Variants in SDC1 observed in about 807,000 individuals in gnomAD.
SDC1 encodes the protein syndecan-1.
SDC1 carries 14 observed loss-of-function variants against 29.7 expected under a neutral mutation model. The ratio of observed to expected loss-of-function variants is 0.47; its 90% CI spans 0.31 to 0.74. The LOEUF (loss-of-function observed/expected upper bound fraction) is 0.74, where lower values mean the gene tolerates loss of function less well. Among genes scored for constraint, SDC1 ranks in the 30% least tolerant of loss-of-function variants. The pLI is 0.05. For synonymous variants in SDC1, 204 were observed against 175.5 expected (o/e 1.16, Z -1.29); for missense variants, 406 against 400.3 (o/e 1.01, Z -0.12).
chr2:20,203,038 C>T (rs1041349151), intron 4 of SDC1, 49 bp downstream of exon 4: 1 of 1,572,220 alleles, frequency 6.4e-7, no homozygotes, highest in Non-Finnish European at 8.7e-7. Flanking sequence ...CCCACCCTGA[C>T]CCCACAGCAG....
chr2:20,224,566 G>A lies in SDC1; in HGVS notation c.66+236C>T, dbSNP rs1677931348. ...GGAGACGTTTTACATAATTGAGCGC[G>A]GGGCCCCGGCCCCCCACCCTCCCCA... On this transcript the variant is annotated intron_variant, in intron 1 of 4. Coordinates refer to ENST00000254351, the MANE Select transcript of SDC1 (RefSeq NM_002997.5). The surrounding 1 kb of genome is among the most constrained non-coding windows in gnomAD (Gnocchi z 4.9). Among the ~76,000 whole-genome samples the A allele has an allele frequency of 6.6e-6, 1 of 151,656 alleles. No individual in the cohort carries two copies. The highest frequency in any genetic ancestry group is 2.4e-5 in the African/African-American group (1 of 41,326).
chr2:20,208,174 A>G (rs951851931), intron 1 of SDC1: 1 of 959,512 alleles, frequency 1.0e-6, no homozygotes, highest in East Asian at 1.2e-4. Flanking sequence ...GGGCCCATGT[A>G]CAACCTGGGA....
At position 20,224,632 on chromosome 2, in the gene SDC1, TG is replaced by T. The variant is rs1381777005; in HGVS notation, c.66+169del. Reference sequence around the variant, plus strand: ...GGCACCCACCGACAGCGGAGGAAATTGGGGCTGGAGCCCTGGTCTCGGGGCT... The same window carrying T: ...GGCACCCACCGACAGCGGAGGAAATTGGGCTGGAGCCCTGGTCTCGGGGCT... On this transcript the variant is annotated intron_variant, in intron 1 of 4. Coordinates refer to ENST00000254351, the MANE Select transcript of SDC1 (RefSeq NM_002997.5). This position sits in a 1 kb window ranked among gnomAD's most constrained non-coding sequence, Gnocchi z 4.9. 2.0e-5 allele frequency among the ~76,000 whole-genome samples: 3 copies of T among 150,094 alleles called. No individual in the cohort carries two copies. The highest frequency in any genetic ancestry group is 3.0e-5 in the Non-Finnish European group (2 of 67,542).
chr2:20,203,133 G>T lies in SDC1; in HGVS notation c.717C>A (p.Ala239=), dbSNP rs1299713359. 5 of 1,612,250 alleles carry T rather than the reference G, an allele frequency of 3.1e-6. No homozygotes were observed. The highest frequency in any genetic ancestry group is 4.2e-6 in the Non-Finnish European group (5 of 1,178,838). ...CCAGGAGGCCCTGTGAGGCCCCCGT[G>T]GCCCCCTGATCCACTGGGGACTGGT... is the stretch of plus-strand genomic sequence containing the variant. The part of the protein sequence containing the change: ...RRNQSPVDQG[A]TGASQGLLDR... The change falls in exon 4 of 5, where the codon GCC becomes GCA. Residue 239 remains alanine (A), a synonymous_variant. Coordinates refer to ENST00000254351, the MANE Select transcript of SDC1 (RefSeq NM_002997.5).
chr2:20,203,238 GGC>G lies in SDC1; in HGVS notation c.628-18_628-17del. ...AGGTGAAGTCCTGTGGGAGGGCAGG[GGC>G]AGATTGGGTTGGCCAGGTCACCGCC... is the stretch of plus-strand genomic sequence containing the variant. On this transcript the variant is annotated splice_polypyrimidine_tract_variant and intron_variant, in intron 3 of 4. Transcript: ENST00000254351. The G allele has an allele frequency of 6.3e-7, 1 of 1,591,916 alleles. No individual in the cohort carries two copies. Among genetic ancestry groups the G allele is most frequent in the Non-Finnish European group, 8.6e-7 (1 of 1,164,114 alleles).
intron 3 of SDC1, among the ~76,000 whole-genome samples, chr2:20,203,579 G>A (rs745994623): frequency 1.9e-4 from 29 of 152,238 alleles, no homozygotes; most frequent in Non-Finnish European, 3.7e-4. Context: ...AGTTTGGATT[G>A]TGAGTTTGGG....
rs745587078 is a variant in SDC1 at position 20,202,788 on chromosome 2, T to G, written c.911A>C (p.Lys304Thr). Reference protein sequence around the residue: ...ANGGAYQKPTKQEEFYA With the variant: ...ANGGAYQKPTTQEEFYA ...GCGTCAGGCATAGAATTCCTCCTGT[T>G]TGGTGGGCTTCTGGTAGGCCCCGCC... Residue 304 changes from lysine (K) to threonine (T), a missense_variant, in exon 5 of 5, where the codon AAA (lysine) becomes ACA (threonine). Coordinates refer to ENST00000254351, the MANE Select transcript of SDC1 (RefSeq NM_002997.5). 5 of 1,611,016 alleles carry G rather than the reference T, an allele frequency of 3.1e-6. No individual in the cohort carries two copies. The African/African-American group carries it at 6.7e-5, about 22-fold the overall frequency.
intron 1 of SDC1, among the ~76,000 whole-genome samples, chr2:20,222,088 A>AAC (rs3044220): frequency 0.11 from 16,867 of 151,024 alleles, 981 homozygotes; most frequent in Middle Eastern, 0.15. Flanking sequence ...GACCACAGTA[A>AAC]ACACACACAC....
At position 20,202,680 on chromosome 2, in the gene SDC1, G is replaced by A; in HGVS notation, c.*86C>T. ...TGCTGGGGAGGTGGCCTGGTGGCAG[G>A]GGAGGCCAGGGCCTGCAGTTCTTCA... On this transcript the variant is annotated 3_prime_UTR_variant, in exon 5 of 5. Coordinates refer to ENST00000254351, the MANE Select transcript of SDC1 (RefSeq NM_002997.5). 7.5e-7 allele frequency: 1 copy of A among 1,339,884 alleles called. No homozygotes were observed. Among genetic ancestry groups the A allele is most frequent in the South Asian group, 1.4e-5 (1 of 69,886 alleles). 83.0% of individuals were successfully genotyped at this position (1,339,884 alleles called of 1,614,324 possible).
At chr2:20,218,808 TACACACGCAG>T (rs1335733673) in intron 1 of SDC1, among the ~76,000 whole-genome samples, 2 of 127,980 alleles carry the variant, frequency 1.6e-5, no homozygotes, top group Non-Finnish European at 3.4e-5. Context: ...CACACAGACA[TACACACGCAG>T]ACACACACAC....
At chr2:20,221,653 G>A (rs913458152) in intron 1 of SDC1, among the ~76,000 whole-genome samples, 1 of 152,174 alleles carries the variant, frequency 6.6e-6, no homozygotes. Context: ...TCATTCCCAA[G>A]GGATTTCAGG....
chr2:20,211,752 C>T (rs1156469089), intron 1 of SDC1, among the ~76,000 whole-genome samples: 1 of 152,252 alleles, frequency 6.6e-6, no homozygotes, highest in Non-Finnish European at 1.5e-5. Context: ...TCCAGGGGTA[C>T]CAGTGGGAGG....
chr2:20,202,176 C>A lies in SDC1; in HGVS notation c.*590G>T. Reference sequence around the variant, plus strand: ...TTAGGGAAGCAAGATGGGGGGATACCGAATCAACTTACTTAACTTACCTCA... The same window carrying A: ...TTAGGGAAGCAAGATGGGGGGATACAGAATCAACTTACTTAACTTACCTCA... On this transcript the variant is annotated 3_prime_UTR_variant, in exon 5 of 5. Coordinates refer to ENST00000254351, the MANE Select transcript of SDC1 (RefSeq NM_002997.5). The A allele has an allele frequency of 1.5e-6, 1 of 682,412 alleles. No homozygotes were observed. The highest frequency in any genetic ancestry group is 2.7e-6 in the Non-Finnish European group (1 of 369,210). 42.3% of individuals were successfully genotyped at this position (682,412 alleles called of 1,614,324 possible). A position where few individuals can be genotyped will look rare whatever the true frequency, so the allele number is the denominator to read the frequency against.
intron 1 of SDC1, among the ~76,000 whole-genome samples, chr2:20,215,795 G>C (rs947393683): frequency 7.9e-5 from 12 of 152,196 alleles, no homozygotes; most frequent in Non-Finnish European, 1.8e-4. Context: ...ATCCAGGTGG[G>C]CTAGACTCCG....
chr2:20,216,196 C>T (rs1255957128), intron 1 of SDC1, among the ~76,000 whole-genome samples: 1 of 152,240 alleles, frequency 6.6e-6, no homozygotes, highest in African/African-American at 2.4e-5. Context: ...GGAAACTCCT[C>T]CTGTGCTCTT....
Position 20,224,466 on chromosome 2 carries a change from G to A in SDC1, c.66+336C>T, listed in dbSNP as rs1419356646. ...GGTCACCGACGGGGGCCCGGCCGCC[G>A]CGGTGGCCGGGGCGAGGAGGGTGGG... On this transcript the variant is annotated intron_variant, in intron 1 of 4. Transcript: ENST00000254351. The surrounding 1 kb of genome is among the most constrained non-coding windows in gnomAD (Gnocchi z 4.9). Among the ~76,000 whole-genome samples the A allele has an allele frequency of 6.6e-6, 1 of 151,456 alleles. No individual in the cohort carries two copies. The highest frequency in any genetic ancestry group is 1.5e-5 in the Non-Finnish European group (1 of 67,786).
intron 1 of SDC1, among the ~76,000 whole-genome samples, chr2:20,208,360 C>G (rs1006456710): frequency 1.3e-5 from 2 of 152,234 alleles, no homozygotes; most frequent in African/African-American, 4.8e-5. Flanking sequence ...ACACAACAAG[C>G]TCTTAAGCAA....
Position 20,204,182 on chromosome 2 carries a change from T to C in SDC1, c.258A>G (p.Thr86=), listed in dbSNP as rs1254266554. 1.3e-6 allele frequency: 2 copies of C among 1,599,996 alleles called. No homozygotes were observed. Among genetic ancestry groups the C allele is most frequent in the Non-Finnish European group, 8.5e-7 (1 of 1,179,794 alleles). The part of the protein sequence containing the change: ...TSPEPTGLEA[T]AASTSTLPAG... ...CCGGCAGGGTGGAGGTGGAGGCAGC[T>C]GTAGCCTCCAGGCCGGTGGGTTCTG... Residue 86 remains threonine, a synonymous_variant, in exon 3 of 5, where the codon ACA becomes ACG. Coordinates refer to ENST00000254351, the MANE Select transcript of SDC1 (RefSeq NM_002997.5).
In SDC1 at chr2:20,224,707, G is replaced by GCTCCCC; in HGVS notation, c.66+89_66+94dup. 5 of 1,202,618 alleles carry GCTCCCC rather than the reference G, an allele frequency of 4.2e-6. No individual in the cohort carries two copies. The highest frequency in any genetic ancestry group is 1.6e-5 in the African/African-American group (1 of 62,496). 74.5% of individuals were successfully genotyped at this position (1,202,618 alleles called of 1,614,324 possible). The stretch of plus-strand genomic sequence containing the variant: ...TAGCGCGGGAAGAAGGGAAGTCTTC[G>GCTCCCC]CTCCCCCTCCCCCTCCACGTGCACC... On this transcript the variant is annotated intron_variant, in intron 1 of 4. Coordinates refer to ENST00000254351, the MANE Select transcript of SDC1 (RefSeq NM_002997.5). The surrounding 1 kb of genome is among the most constrained non-coding windows in gnomAD (Gnocchi z 4.9).
Sources: allele counts gnomAD v4.1 joint callset (sites outside exome capture counted in the v4.1 genomes callset), GRCh38; gene constraint gnomAD v4.1.1; non-coding constraint Gnocchi (gnomAD v3.1); transcripts MANE v1.5; gene names NCBI Gene and HGNC (gene_info 2026-07-23, HGNC 2026-07-21).